The following GABBR2 variants were observed in gnomAD, a reference collection of about 807,000 sequenced individuals.
The protein encoded by GABBR2 is G-protein coupled receptor 51.
GABBR2 carries 23 observed loss-of-function variants against 105.6 expected under a neutral mutation model. The ratio of observed to expected loss-of-function variants is 0.22; its 90% CI spans 0.16 to 0.31. GABBR2 has a LOEUF of 0.31. Among genes scored for constraint, GABBR2 ranks in the 10% least tolerant of loss-of-function variants. GABBR2 has a pLI of 1.00. For synonymous variants in GABBR2, 478 were observed against 499.7 expected, an observed-to-expected ratio of 0.96 and a Z score of 0.58; for missense variants, 734 against 1,245.5, an observed-to-expected ratio of 0.59 and a Z score of 6.18.
At chr9:98,332,723 C>T (rs1056333377) in intron 13 of GABBR2, among the ~76,000 whole-genome samples, 1 of 152,236 alleles carries the variant, frequency 6.6e-6, no homozygotes, top group African/African-American at 2.4e-5. Flanking sequence ...CTCTCGTCAG[C>T]TGGCTTCCCG....
At chr9:98,689,063 A>T (rs1588284243) in intron 1 of GABBR2, among the ~76,000 whole-genome samples, 1 of 152,308 alleles carries the variant, frequency 6.6e-6, no homozygotes, top group East Asian at 1.9e-4. Flanking sequence ...GCCCTATGCC[A>T]TCCTATTGTA....
chr9:98,571,370 C>CCA (rs1373954520), intron 2 of GABBR2, among the ~76,000 whole-genome samples: 2 of 152,178 alleles, frequency 1.3e-5, no homozygotes, highest in Non-Finnish European at 2.9e-5. Flanking sequence ...GTCCTCTTTC[C>CCA]CACACGGGCA....
chr9:98,401,596 A>G (rs1448685569), intron 8 of GABBR2, among the ~76,000 whole-genome samples: 1 of 152,180 alleles, frequency 6.6e-6, no homozygotes, highest in East Asian at 1.9e-4. Flanking sequence ...ATTATGGACT[A>G]TGACTCCACT....
intron 1 of GABBR2, among the ~76,000 whole-genome samples, chr9:98,679,783 A>G (rs367898541): frequency 3.3e-5 from 5 of 152,196 alleles, no homozygotes; most frequent in African/African-American, 1.2e-4. Flanking sequence ...AGGGGAAAGG[A>G]ACATCCTTAT....
intron 13 of GABBR2, among the ~76,000 whole-genome samples, chr9:98,344,979 C>T (rs1831278983): frequency 6.6e-6 from 1 of 152,140 alleles, no homozygotes; most frequent in Non-Finnish European, 1.5e-5. Context: ...ATGTTGCCTC[C>T]CAAGCCCATT....
chr9:98,383,758 C>T (rs775753196), intron 11 of GABBR2, among the ~76,000 whole-genome samples: 4 of 152,172 alleles, frequency 2.6e-5, no homozygotes, highest in Admixed American at 1.3e-4. Context: ...TTTAATCATT[C>T]GCAGAAATCC....
At chr9:98,514,382 T>C (rs1406634416) in intron 3 of GABBR2, among the ~76,000 whole-genome samples, 2 of 99,250 alleles carry the variant, frequency 2.0e-5, no homozygotes, top group Non-Finnish European at 4.5e-5. Context: ...TGTGCACATG[T>C]ACCCTAAAAC....
chr9:98,545,127 T>C (rs143075188), intron 2 of GABBR2, among the ~76,000 whole-genome samples: 4 of 152,246 alleles, frequency 2.6e-5, no homozygotes, highest in African/African-American at 9.6e-5. Context: ...ACTTTACCAT[T>C]ATTGTCCCAT....
In GABBR2 at chr9:98,289,404, G is replaced by C. The variant is rs1588082022; in HGVS notation, c.*1180C>G. The C allele has an allele frequency of 6.6e-6, 1 of 152,624 alleles. No individual in the cohort carries two copies. Among genetic ancestry groups the C allele is most frequent in the African/African-American group, 2.4e-5 (1 of 41,428 alleles). 9.5% of individuals were successfully genotyped at this position (152,624 alleles called of 1,614,324 possible). On this transcript the variant is annotated 3_prime_UTR_variant, in exon 19 of 19. Transcript: ENST00000259455. The stretch of plus-strand genomic sequence containing the variant: ...CCAGGTCTGTCTGACTCCCAGGCCA[G>C]TGCTCTTAGGGGCTCAATTTAAAGG...
At chr9:98,513,557 CA>C (rs998840864) in intron 3 of GABBR2, among the ~76,000 whole-genome samples, 14 of 142,518 alleles carry the variant, frequency 9.8e-5, no homozygotes, top group East Asian at 2.0e-4. Context: ...AACAATTTTA[CA>C]AAAAAAAAAC....
At chr9:98,609,349 A>G (rs986316775) in intron 1 of GABBR2, among the ~76,000 whole-genome samples, 2 of 152,134 alleles carry the variant, frequency 1.3e-5, no homozygotes, top group African/African-American at 2.4e-5. Flanking sequence ...AGCAGAATTT[A>G]TCTTTTCCCA....
chr9:98,446,962 G>A (rs1228278084), intron 7 of GABBR2, among the ~76,000 whole-genome samples: 4 of 152,096 alleles, frequency 2.6e-5, no homozygotes. Flanking sequence ...CCCAAGTGGT[G>A]TCAAATCTTG....
At chr9:98,395,949 A>G (rs142797102) in intron 8 of GABBR2, among the ~76,000 whole-genome samples, 58 of 152,246 alleles carry the variant, frequency 3.8e-4, no homozygotes, top group African/African-American at 1.4e-3. Context: ...TTGCCTAGCT[A>G]AAACAGTGTG....
intron 2 of GABBR2, among the ~76,000 whole-genome samples, chr9:98,564,331 A>G (rs1172528309): frequency 6.6e-6 from 1 of 152,182 alleles, no homozygotes; most frequent in Non-Finnish European, 1.5e-5. Context: ...GCCAGACTCT[A>G]CTTTCTTTGA....
At chr9:98,540,780 T>C (rs1331155576) in intron 3 of GABBR2, among the ~76,000 whole-genome samples, 1 of 152,016 alleles carries the variant, frequency 6.6e-6, no homozygotes, top group Non-Finnish European at 1.5e-5. Flanking sequence ...AAAGCACACA[T>C]GGGAATAGAA....
In GABBR2 at chr9:98,406,067, A is replaced by G. The variant is rs751707576; in HGVS notation, c.1297+14T>C. On this transcript the variant is annotated intron_variant, in intron 8 of 18. Coordinates refer to ENST00000259455, the MANE Select transcript of GABBR2 (RefSeq NM_005458.8). Reference sequence around the variant, plus strand: ...ATTTTATCAGCTAGAAAGAATAAGCATCAAAATGCCTACCTTGAAATTGAG... The same window carrying G: ...ATTTTATCAGCTAGAAAGAATAAGCGTCAAAATGCCTACCTTGAAATTGAG... The G allele has an allele frequency of 2.1e-5, 31 of 1,444,306 alleles. No individual in the cohort carries two copies. In the Middle Eastern group the frequency reaches 5.2e-4, roughly 24 times the overall value. The allele number at this position is 1,444,306 out of a possible 1,614,324, so 89.5% of individuals were successfully genotyped here.
chr9:98,411,147 AT>A (rs199672523), intron 7 of GABBR2, among the ~76,000 whole-genome samples: 30 of 152,184 alleles, frequency 2.0e-4, no homozygotes, highest in Admixed American at 3.9e-4. Flanking sequence ...ACTTATAAGG[AT>A]TTTTTTTCCC....
In GABBR2 at chr9:98,394,143, G is replaced by GC. The variant is rs569747886; in HGVS notation, c.1378+31dup. The GC allele has an allele frequency of 5.3e-5, 79 of 1,490,982 alleles. No individual in the cohort carries two copies. In the African/African-American group the frequency reaches 1.0e-3, roughly 20 times the overall value. The allele number at this position is 1,490,982 out of a possible 1,614,324, so 92.4% of individuals were successfully genotyped here. A position where few individuals can be genotyped will look rare whatever the true frequency, so the allele number is the denominator to read the frequency against. On this transcript the variant is annotated intron_variant, in intron 9 of 18. Coordinates refer to ENST00000259455, the MANE Select transcript of GABBR2 (RefSeq NM_005458.8). ...TCCAGGCTTGGGAGCAACTGGGCAG[G>GC]CCCCCTCCTCTGAGAAGCCCACCTG... is the stretch of plus-strand genomic sequence containing the variant.
At chr9:98,322,432 C>T (rs146587377) in intron 13 of GABBR2, among the ~76,000 whole-genome samples, 8 of 152,242 alleles carry the variant, frequency 5.3e-5, no homozygotes, top group African/African-American at 9.6e-5. Context: ...CTCTTGCCCT[C>T]GGTCAGGACC....
Sources: gnomAD v4.1 joint callset for allele counts (sites outside exome capture counted in the v4.1 genomes callset) on GRCh38, gnomAD v4.1.1 for gene constraint, MANE v1.5 for transcripts, NCBI Gene and HGNC (gene_info 2026-07-23, HGNC 2026-07-21) for gene names.